KIAA0232: variants seen among roughly 807,000 people sequenced by gnomAD.
The protein encoded by KIAA0232 is KIAA0232.
A neutral mutation model predicts 122.0 loss-of-function variants in KIAA0232; 27 were observed. The observed-to-expected ratio is 0.22, with a 90% CI of 0.16 to 0.31. KIAA0232 has a LOEUF of 0.31. Ranked by LOEUF, KIAA0232 falls within the 10% of genes least tolerant of loss-of-function variation. KIAA0232 has a pLI of 1.00. For missense variants in KIAA0232, 1,551 were observed against 1,634.2 expected (o/e 0.95, Z 0.88); for synonymous variants, 613 against 587.6 (o/e 1.04, Z -0.63).
intron 9 of KIAA0232, among the ~76,000 whole-genome samples, chr4:6,879,167 C>T (rs1191599891): frequency 2.6e-5 from 4 of 152,160 alleles, no homozygotes; most frequent in Non-Finnish European, 4.4e-5. Flanking sequence ...TTCCTGCTTT[C>T]GTCATCCTTT....
At chr4:6,813,505 G>A (rs1717971644) in intron 2 of KIAA0232, among the ~76,000 whole-genome samples, 1 of 152,064 alleles carries the variant, frequency 6.6e-6, no homozygotes, top group African/African-American at 2.4e-5. Context: ...TGGGACTACA[G>A]GTGCCTGCCA....
intron 2 of KIAA0232, among the ~76,000 whole-genome samples, chr4:6,821,642 A>T (rs999723781): frequency 1.3e-5 from 2 of 150,404 alleles, no homozygotes; most frequent in Non-Finnish European, 2.9e-5. Context: ...GTGTATATAG[A>T]TACGTGTATA....
intron 9 of KIAA0232, among the ~76,000 whole-genome samples, chr4:6,878,678 C>A (rs973045822): frequency 2.6e-5 from 4 of 152,126 alleles, no homozygotes; most frequent in Admixed American, 2.6e-4. Flanking sequence ...GGTGGAGTGA[C>A]CTAAACCTTC....
chr4:6,849,099 T>C (rs1237158555), intron 4 of KIAA0232, among the ~76,000 whole-genome samples: 2 of 152,334 alleles, frequency 1.3e-5, no homozygotes, highest in South Asian at 4.1e-4. Context: ...CAGACCATAC[T>C]GGTTGCTGCA....
At chr4:6,837,402 C>T (rs879909345) in intron 3 of KIAA0232, among the ~76,000 whole-genome samples, 3 of 140,578 alleles carry the variant, frequency 2.1e-5, no homozygotes, top group African/African-American at 8.0e-5. Context: ...GGATGACGGC[C>T]GGGAAGAGGC....
chr4:6,839,226 A>T (rs150259884), intron 3 of KIAA0232, among the ~76,000 whole-genome samples: 5 of 152,168 alleles, frequency 3.3e-5, no homozygotes, highest in African/African-American at 4.8e-5. Flanking sequence ...AATTGATTAA[A>T]TTTTTTCCCA....
Position 6,842,302 on chromosome 4 carries a change from A to C in KIAA0232, c.369+98A>C, listed in dbSNP as rs1719706134. ...CTTGACCTCCAAAAACTGGGAAAACAAAGTACTTATTTATTTTACCAAGTA... is the reference window on the plus strand; with the variant it reads ...CTTGACCTCCAAAAACTGGGAAAACCAAGTACTTATTTATTTTACCAAGTA... On this transcript the variant is annotated intron_variant, in intron 4 of 9. Transcript: ENST00000307659. 4 of 1,186,956 alleles carry C rather than the reference A, an allele frequency of 3.4e-6. No homozygotes were observed. The Admixed American group carries it at 1.0e-4, about 30-fold the overall frequency. 73.5% of individuals were successfully genotyped at this position (1,186,956 alleles called of 1,614,324 possible).
Position 6,824,444 on chromosome 4 carries a change from A to G in KIAA0232, c.-10A>G. 1 of 1,609,250 alleles carries G rather than the reference A, an allele frequency of 6.2e-7. No individual in the cohort carries two copies. The highest frequency in any genetic ancestry group is 1.7e-4 in the Middle Eastern group (1 of 6,042). Reference sequence around the variant, plus strand: ...GCTTCACATTTTAAGGATGTCGGCAACCTAAATTCATGTACCCTATCTGTA... The same window carrying G: ...GCTTCACATTTTAAGGATGTCGGCAGCCTAAATTCATGTACCCTATCTGTA... On this transcript the variant is annotated 5_prime_UTR_variant, in exon 3 of 10. Coordinates refer to ENST00000307659, the MANE Select transcript of KIAA0232 (RefSeq NM_014743.3).
At chr4:6,857,844 T>C (rs1043976920) in intron 5 of KIAA0232, among the ~76,000 whole-genome samples, 7 of 152,216 alleles carry the variant, frequency 4.6e-5, no homozygotes, top group African/African-American at 1.7e-4. Context: ...CCTTGCCCTC[T>C]TTATGGTCAT....
intron 3 of KIAA0232, among the ~76,000 whole-genome samples, chr4:6,833,638 GGAAAAAAA>G (rs1464214915): frequency 1.3e-5 from 2 of 150,772 alleles, no homozygotes; most frequent in Non-Finnish European, 3.0e-5. Flanking sequence ...CTCAAAAAAA[GGAAAAAAA>G]GAAAAAAAAA....
intron 2 of KIAA0232, among the ~76,000 whole-genome samples, chr4:6,809,173 T>C (rs1717766449): frequency 6.6e-6 from 1 of 152,254 alleles, no homozygotes; most frequent in Non-Finnish European, 1.5e-5. Flanking sequence ...CCTATTATTA[T>C]TGTCTTTGAT....
In KIAA0232 at chr4:6,817,883, C is replaced by T. The variant is rs142778926; in HGVS notation, c.-269-6302C>T. On this transcript the variant is annotated intron_variant, in intron 2 of 9. Coordinates refer to ENST00000307659, the MANE Select transcript of KIAA0232 (RefSeq NM_014743.3). Reference sequence around the variant, plus strand: ...TGTATAATATAAAGGACTGGTATGGCCTTTTGATACATCTATCCCTTTATC... The same window carrying T: ...TGTATAATATAAAGGACTGGTATGGTCTTTTGATACATCTATCCCTTTATC... Among the ~76,000 whole-genome samples, 38 of 152,158 alleles carry T rather than the reference C, an allele frequency of 2.5e-4. No individual in the cohort carries two copies. In the East Asian group the frequency reaches 6.9e-3, roughly 28 times the overall value.
chr4:6,800,726 C>G (rs748686263), intron 1 of KIAA0232, among the ~76,000 whole-genome samples: 3 of 151,856 alleles, frequency 2.0e-5, no homozygotes, highest in Non-Finnish European at 2.9e-5. Flanking sequence ...GCTCATTATA[C>G]TTGTTTGAAT....
chr4:6,819,363 A>G (rs549270461), intron 2 of KIAA0232, among the ~76,000 whole-genome samples: 1 of 152,166 alleles, frequency 6.6e-6, no homozygotes, highest in Non-Finnish European at 1.5e-5. Context: ...TGTGCATCTG[A>G]CACAGGTCCA....
intron 1 of KIAA0232, among the ~76,000 whole-genome samples, chr4:6,795,046 A>G (rs963721832): frequency 7.2e-5 from 11 of 151,760 alleles, no homozygotes; most frequent in African/African-American, 2.2e-4. Context: ...GCGCAGTTAA[A>G]TAAGGCAGCC....
At chr4:6,809,290 G>T (rs1717771159) in intron 2 of KIAA0232, among the ~76,000 whole-genome samples, 1 of 152,184 alleles carries the variant, frequency 6.6e-6, no homozygotes, top group South Asian at 2.1e-4. Context: ...GGTCATTAGG[G>T]CTAGTGATAC....
chr4:6,803,586 A>G (rs143306247), intron 1 of KIAA0232, among the ~76,000 whole-genome samples: 2 of 152,322 alleles, frequency 1.3e-5, no homozygotes, highest in East Asian at 1.9e-4. Flanking sequence ...AGAGTTGTCT[A>G]ATTTCATATT....
chr4:6,875,304 T>A (rs1721692712), intron 8 of KIAA0232, among the ~76,000 whole-genome samples: 1 of 152,250 alleles, frequency 6.6e-6, no homozygotes. Context: ...TGTTCTCATC[T>A]TAGAGATGAG....
At chr4:6,822,071 G>A (rs560008916) in intron 2 of KIAA0232, among the ~76,000 whole-genome samples, 5 of 151,840 alleles carry the variant, frequency 3.3e-5, no homozygotes, top group South Asian at 2.1e-4. Flanking sequence ...TCTAGGGGTC[G>A]TTTTCTTCAT....
Sources: allele counts gnomAD v4.1 joint callset (sites outside exome capture counted in the v4.1 genomes callset), GRCh38; gene constraint gnomAD v4.1.1; transcripts MANE v1.5; gene names NCBI Gene and HGNC (gene_info 2026-07-23, HGNC 2026-07-21).